The following AQP9 variants were observed in gnomAD, a reference collection of about 807,000 sequenced individuals.
AQP9 encodes aquaporin 9, also known as aquaporin-9.
A neutral mutation model predicts 23.8 loss-of-function variants in AQP9; 19 were observed. The observed-to-expected ratio is 0.80, with a 90% CI of 0.56 to 1.17. The LOEUF is 1.17. Among genes scored for constraint, AQP9 ranks in the 50% most tolerant of loss-of-function variants. The pLI is 0.00. For missense variants in AQP9, 413 were observed against 362.0 expected, an observed-to-expected ratio of 1.14 and a Z score of -1.14; for synonymous variants, 153 against 131.5, an observed-to-expected ratio of 1.16 and a Z score of -1.12.
At chr15:58,166,607 G>A (rs1462494195) in intron 1 of AQP9, 66 bp from the exon 2 acceptor site, 5 of 1,528,290 alleles carry the variant, frequency 3.3e-6, no homozygotes, top group African/African-American at 2.8e-5. Flanking sequence ...ACTTGCTACT[G>A]TGAGTTTCCA....
chr15:58,156,772 T>C (rs1483094912), intron 1 of AQP9, among the ~76,000 whole-genome samples: 3 of 152,178 alleles, frequency 2.0e-5, no homozygotes, highest in Admixed American at 6.5e-5. Flanking sequence ...ATGTTTATCA[T>C]AGACAGGGAA....
At chr15:58,169,376 C>A (rs1420780007) in intron 2 of AQP9, among the ~76,000 whole-genome samples, 5 of 152,168 alleles carry the variant, frequency 3.3e-5, no homozygotes, top group Non-Finnish European at 7.3e-5. Flanking sequence ...AGTTCAGGCT[C>A]CCTAAGGACT....
At chr15:58,162,392 A>G (rs1400088728) in intron 1 of AQP9, among the ~76,000 whole-genome samples, 1 of 152,218 alleles carries the variant, frequency 6.6e-6, no homozygotes, top group Non-Finnish European at 1.5e-5. Flanking sequence ...TGGCTAATGA[A>G]CAGAAATTAC....
intron 5 of AQP9, among the ~76,000 whole-genome samples, chr15:58,182,292 C>T (rs1274723129): frequency 6.6e-6 from 1 of 152,184 alleles, no homozygotes; most frequent in African/African-American, 2.4e-5. Flanking sequence ...AGACAGTTAA[C>T]ATACACATGT....
chr15:58,146,763 C>G (rs1247952224), intron 1 of AQP9: 1 of 152,126 alleles, frequency 6.6e-6, no homozygotes, highest in African/African-American at 2.4e-5. Context: ...CCAGGTATAC[C>G]GCCAGCCAGA....
At chr15:58,182,364 G>C (rs1226000188) in intron 5 of AQP9, among the ~76,000 whole-genome samples, 3 of 152,128 alleles carry the variant, frequency 2.0e-5, no homozygotes. Context: ...ATAGGACTAG[G>C]CTAGGCAGGT....
rs1304807788 is a variant in AQP9 at position 58,185,379 on chromosome 15, C to G, written c.*1244C>G. Reference sequence around the variant, plus strand: ...CTTCTAGAATATGTACACCTCTGGACAAAATGTTCCTCAATCTTAAGATAC... The same window carrying G: ...CTTCTAGAATATGTACACCTCTGGAGAAAATGTTCCTCAATCTTAAGATAC... On this transcript the variant is annotated 3_prime_UTR_variant, in exon 6 of 6. Transcript: ENST00000219919. 1 of 152,638 alleles carries G rather than the reference C, an allele frequency of 6.6e-6. No individual in the cohort carries two copies. Among genetic ancestry groups the G allele is most frequent in the Non-Finnish European group, 1.5e-5 (1 of 68,050 alleles). 9.5% of individuals were successfully genotyped at this position (152,638 alleles called of 1,614,324 possible). A position where few individuals can be genotyped will look rare whatever the true frequency, so the allele number is the denominator to read the frequency against.
chr15:58,145,776 T>C (rs534109669), intron 1 of AQP9, among the ~76,000 whole-genome samples: 127 of 152,356 alleles, frequency 8.3e-4, no homozygotes, highest in African/African-American at 3.0e-3. Flanking sequence ...GGGTTCTGTC[T>C]CCTTATTCTT....
At chr15:58,182,719 C>T (rs749723363) in intron 5 of AQP9, among the ~76,000 whole-genome samples, 23 of 152,156 alleles carry the variant, frequency 1.5e-4, no homozygotes, top group Admixed American at 3.9e-4. Flanking sequence ...TCCTCGCTGC[C>T]GTGTGGTAAG....
chr15:58,144,146 G>A (rs1753278590), intron 1 of AQP9, among the ~76,000 whole-genome samples: 1 of 152,010 alleles, frequency 6.6e-6, no homozygotes, highest in African/African-American at 2.4e-5. Flanking sequence ...TACAGCCTCT[G>A]CACCTTTCTC....
At chr15:58,169,402 A>C (rs1898574205) in intron 2 of AQP9, among the ~76,000 whole-genome samples, 1 of 152,206 alleles carries the variant, frequency 6.6e-6, no homozygotes, top group Non-Finnish European at 1.5e-5. Context: ...CTTTGGGAAC[A>C]TTTTGGGAAC....
chr15:58,161,941 T>C (rs1898392960), intron 1 of AQP9, among the ~76,000 whole-genome samples: 1 of 152,206 alleles, frequency 6.6e-6, no homozygotes, highest in African/African-American at 2.4e-5. Context: ...GGATCTGTTA[T>C]TCAATTACAT....
At chr15:58,173,504 C>G in intron 3 of AQP9, among the ~76,000 whole-genome samples, 2 of 152,270 alleles carry the variant, frequency 1.3e-5, no homozygotes, top group Middle Eastern at 6.8e-3. Context: ...GGCTTCCCCA[C>G]TGCTGTCTCT....
At chr15:58,146,523 A>G (rs1380770312) in intron 1 of AQP9, among the ~76,000 whole-genome samples, 1 of 151,936 alleles carries the variant, frequency 6.6e-6, no homozygotes, top group Non-Finnish European at 1.5e-5. Context: ...AGCCTAATAT[A>G]TTTATAATAT....
At position 58,138,579 on chromosome 15, in the gene AQP9, G is replaced by A; in HGVS notation, c.14G>A (p.Gly5Glu). The A allele has an allele frequency of 6.2e-7, 1 of 1,613,760 alleles. No individual in the cohort carries two copies. The highest frequency in any genetic ancestry group is 1.1e-5 in the South Asian group (1 of 91,060). The change falls in exon 1 of 6, where the codon GGA (glycine) becomes GAA (glutamate). Residue 5 changes from glycine to glutamate, a missense_variant. Gly to Glu is a moderately conservative substitution (Grantham distance 98, BLOSUM62 -2). Coordinates refer to ENST00000219919, the MANE Select transcript of AQP9 (RefSeq NM_020980.5). MQPE[G>E]AEKGKSFKQR... ...AGAAGCCCCAAGATGCAGCCTGAGG[G>A]AGCAGAAAAGGGAAAAAGCTTCAAG...
chr15:58,174,692 G>T (rs1898699682), intron 3 of AQP9, among the ~76,000 whole-genome samples: 1 of 152,240 alleles, frequency 6.6e-6, no homozygotes, highest in South Asian at 2.1e-4. Flanking sequence ...GTCCAAGTTT[G>T]CAGTGGGCCA....
chr15:58,149,184 G>C (rs1252181082), intron 1 of AQP9, among the ~76,000 whole-genome samples: 2 of 152,204 alleles, frequency 1.3e-5, no homozygotes, highest in African/African-American at 4.8e-5. Flanking sequence ...AGTTGTCACA[G>C]GAGGAACACT....
chr15:58,163,790 GA>G (rs1242788404), intron 1 of AQP9, among the ~76,000 whole-genome samples: 1 of 151,766 alleles, frequency 6.6e-6, no homozygotes, highest in Non-Finnish European at 1.5e-5. Flanking sequence ...ATTTTTGGAG[GA>G]AAAAAAATAC....
intron 5 of AQP9, among the ~76,000 whole-genome samples, 164 bp downstream of exon 5, chr15:58,179,509 A>ATGTGTG (rs3052103): frequency 0.022 from 3,251 of 148,782 alleles, 43 homozygotes; most frequent in East Asian, 0.047. Flanking sequence ...TTGTGGTATG[A>ATGTGTG]TGTGTGTGTG....
Sources: allele counts gnomAD v4.1 joint callset (sites outside exome capture counted in the v4.1 genomes callset), GRCh38; gene constraint gnomAD v4.1.1; transcripts MANE v1.5; gene names NCBI Gene and HGNC (gene_info 2026-07-23, HGNC 2026-07-21).